The following MARCHF3 variants were observed in gnomAD, a reference collection of about 807,000 sequenced individuals.
MARCHF3 encodes the protein E3 ubiquitin-protein ligase MARCHF3.
MARCHF3 carries 13 observed loss-of-function variants against 24.2 expected under a neutral mutation model. That is an observed-to-expected ratio of 0.54 (90% CI 0.35 to 0.85). MARCHF3 has a LOEUF of 0.85. Ranked by LOEUF, MARCHF3 falls within the 40% of genes least tolerant of loss-of-function variation. MARCHF3 has a pLI of 0.01. For missense variants in MARCHF3, 276 were observed against 325.0 expected (o/e 0.85, Z 1.16); for synonymous variants, 144 against 137.3 (o/e 1.05, Z -0.34).
chr5:127,024,091 G>A (rs1752916655), intron 1 of MARCHF3, among the ~76,000 whole-genome samples: 1 of 152,212 alleles, frequency 6.6e-6, no homozygotes, highest in Admixed American at 6.5e-5. Context: ...TAGGGTGGGA[G>A]TTGAAGACAT....
At chr5:126,910,065 T>C (rs1033734848) in intron 3 of MARCHF3, among the ~76,000 whole-genome samples, 2 of 152,188 alleles carry the variant, frequency 1.3e-5, no homozygotes, top group African/African-American at 4.8e-5. Context: ...GAAATAGGAA[T>C]ACGGAAACTT....
chr5:126,886,531 G>A (rs1472923753), intron 3 of MARCHF3, among the ~76,000 whole-genome samples: 1 of 152,130 alleles, frequency 6.6e-6, no homozygotes, highest in African/African-American at 2.4e-5. Context: ...AGGATGCTGT[G>A]GCTTTGATGG....
Position 126,870,562 on chromosome 5 carries a change from G to T in MARCHF3, c.*71C>A. On this transcript the variant is annotated 3_prime_UTR_variant, in exon 5 of 5. Coordinates refer to ENST00000308660, the MANE Select transcript of MARCHF3 (RefSeq NM_178450.5). ...TAAGGAAGGGCTTGGGGGTCGCTCA[G>T]TGCATGACCCCAGTGCAGACACTTC... 2 of 1,474,536 alleles carry T rather than the reference G, an allele frequency of 1.4e-6. No individual in the cohort carries two copies. Among genetic ancestry groups the T allele is most frequent in the Non-Finnish European group, 1.9e-6 (2 of 1,061,542 alleles). 91.3% of individuals were successfully genotyped at this position (1,474,536 alleles called of 1,614,324 possible). A position where few individuals can be genotyped will look rare whatever the true frequency, so the allele number is the denominator to read the frequency against.
intron 1 of MARCHF3, among the ~76,000 whole-genome samples, chr5:127,007,827 G>A (rs1170118670): frequency 2.6e-5 from 4 of 151,786 alleles, no homozygotes; most frequent in Non-Finnish European, 4.4e-5. Flanking sequence ...TGTTGCTGAG[G>A]GCTAGTATAT....
At chr5:126,897,071 C>CTTTTT (rs1753946061) in intron 3 of MARCHF3, among the ~76,000 whole-genome samples, 2 of 38,520 alleles carry the variant, frequency 5.2e-5, no homozygotes, top group Non-Finnish European at 9.0e-5. Context: ...TGGAGTTTCA[C>CTTTTT]TTTTGTTGCC....
chr5:126,929,805 C>A (rs779655715), intron 1 of MARCHF3, among the ~76,000 whole-genome samples: 9 of 152,126 alleles, frequency 5.9e-5, no homozygotes, highest in Non-Finnish European at 1.0e-4. Context: ...ATCATGGGGG[C>A]AGGTCTTTCC....
At position 126,904,499 on chromosome 5, in the gene MARCHF3, T is replaced by C. The variant is rs531224489; in HGVS notation, c.393+10431A>G. Among the ~76,000 whole-genome samples the C allele has an allele frequency of 5.8e-3, 831 of 142,376 alleles. 16 individuals carry two copies. Among genetic ancestry groups the C allele is most frequent in the Middle Eastern group, 0.011 (3 of 272 alleles). 93.4% of individuals were successfully genotyped at this position (142,376 alleles called of 152,430 possible). Reference sequence around the variant, plus strand: ...TGTTGTTTCCTGACTTTTTAATGATTGCCATTCTAACTGGTGTGAGATGGT... The same window carrying C: ...TGTTGTTTCCTGACTTTTTAATGATCGCCATTCTAACTGGTGTGAGATGGT... On this transcript the variant is annotated intron_variant, in intron 3 of 4. Coordinates refer to ENST00000308660, the MANE Select transcript of MARCHF3 (RefSeq NM_178450.5).
intron 1 of MARCHF3, among the ~76,000 whole-genome samples, chr5:126,969,845 T>A (rs928926546): frequency 1.3e-5 from 2 of 152,200 alleles, no homozygotes; most frequent in African/African-American, 4.8e-5. Context: ...CTGCTGGCCC[T>A]AAGACCACAC....
At chr5:127,013,753 A>G (rs1752544464) in intron 1 of MARCHF3, among the ~76,000 whole-genome samples, 1 of 152,186 alleles carries the variant, frequency 6.6e-6, no homozygotes. Context: ...ATCCATCTAT[A>G]TAAGGCCAAC....
chr5:126,987,355 A>C (rs925645633), intron 1 of MARCHF3, among the ~76,000 whole-genome samples: 21 of 152,208 alleles, frequency 1.4e-4, no homozygotes, highest in African/African-American at 5.1e-4. Context: ...CCACAGAAAA[A>C]AAGAAAGAAA....
At chr5:126,895,687 A>G (rs369531847) in intron 3 of MARCHF3, among the ~76,000 whole-genome samples, 5 of 152,110 alleles carry the variant, frequency 3.3e-5, no homozygotes, top group African/African-American at 9.7e-5. Context: ...CTCCAGCTGC[A>G]TGCTGGGAGA....
chr5:127,023,394 T>C (rs145042442), intron 1 of MARCHF3, among the ~76,000 whole-genome samples: 1 of 152,114 alleles, frequency 6.6e-6, no homozygotes, highest in Non-Finnish European at 1.5e-5. Flanking sequence ...ATTATAAAAA[T>C]TAGTTTATAA....
intron 1 of MARCHF3, among the ~76,000 whole-genome samples, chr5:126,989,357 A>T (rs1751674937): frequency 6.6e-6 from 1 of 151,764 alleles, no homozygotes; most frequent in Non-Finnish European, 1.5e-5. Context: ...TAATAATATT[A>T]GGACTAAAGA....
At chr5:126,979,013 A>G (rs1751299110) in intron 1 of MARCHF3, among the ~76,000 whole-genome samples, 1 of 152,048 alleles carries the variant, frequency 6.6e-6, no homozygotes, top group Non-Finnish European at 1.5e-5. Context: ...ATTATTGAAA[A>G]CTTTTGTTAC....
intron 1 of MARCHF3, among the ~76,000 whole-genome samples, chr5:127,019,813 T>C (rs949938503): frequency 2.6e-5 from 4 of 152,222 alleles, no homozygotes; most frequent in African/African-American, 4.8e-5. Flanking sequence ...TTTTGTTTTG[T>C]ATGCAGGAGA....
At chr5:126,944,020 C>T (rs756993954) in intron 1 of MARCHF3, among the ~76,000 whole-genome samples, 5 of 151,938 alleles carry the variant, frequency 3.3e-5, no homozygotes, top group Non-Finnish European at 7.4e-5. Context: ...ACCATCTTGG[C>T]CAGGCTGTCT....
rs1013350244 is a variant in MARCHF3 at position 126,869,432 on chromosome 5, G to A, written c.*1201C>T. ...CGGATCAGACCCTTTACACTGCGAC[G>A]GATAAAAGAGGGACACGAAACCCTT... On this transcript the variant is annotated 3_prime_UTR_variant, in exon 5 of 5. Coordinates refer to ENST00000308660, the MANE Select transcript of MARCHF3 (RefSeq NM_178450.5). 2 of 152,102 alleles carry A rather than the reference G, an allele frequency of 1.3e-5. No homozygotes were observed. Among genetic ancestry groups the A allele is most frequent in the African/African-American group, 2.4e-5 (1 of 41,430 alleles). 9.4% of individuals were successfully genotyped at this position (152,102 alleles called of 1,614,324 possible). A position where few individuals can be genotyped will look rare whatever the true frequency, so the allele number is the denominator to read the frequency against.
intron 1 of MARCHF3, among the ~76,000 whole-genome samples, chr5:126,924,897 T>C (rs980649012): frequency 6.6e-6 from 1 of 152,230 alleles, no homozygotes; most frequent in Non-Finnish European, 1.5e-5. Context: ...TACCAAATTA[T>C]ACATTTCTTT....
chr5:127,026,783 ATTG>A (rs1209765580), intron 1 of MARCHF3, among the ~76,000 whole-genome samples: 4 of 152,228 alleles, frequency 2.6e-5, no homozygotes, highest in African/African-American at 7.2e-5. Context: ...TCCTCAAAGG[ATTG>A]TTAAGGTAAG....
Sources: allele counts gnomAD v4.1 joint callset (sites outside exome capture counted in the v4.1 genomes callset), GRCh38; gene constraint gnomAD v4.1.1; transcripts MANE v1.5; gene names NCBI Gene and HGNC (gene_info 2026-07-23, HGNC 2026-07-21).